AP5B1: variants seen among roughly 807,000 people sequenced by gnomAD.
AP5B1 encodes adaptor related protein complex 5 subunit beta 1, also known as AP-5 complex subunit beta-1.
Under a neutral mutation model 5.7 loss-of-function variants are expected in AP5B1, and 3 were observed. The observed-to-expected ratio is 0.53, with a 90% confidence interval of 0.24 to 1.36. AP5B1 has a LOEUF of 1.36. AP5B1 is among the 40% of genes most tolerant of loss of function. The probability of loss-of-function intolerance (pLI) is 0.17; values close to 1 mark genes in which losing one functional copy is unlikely to be tolerated. For synonymous variants in AP5B1, 696 were observed against 555.5 expected, an observed-to-expected ratio of 1.25 and a Z score of -3.56; for missense variants, 1,310 against 1,143.2, an observed-to-expected ratio of 1.15 and a Z score of -2.10.
In AP5B1 at chr11:65,774,239, C is replaced by T. The variant is rs1565223657; in HGVS notation, c.*3617G>A. Among the ~76,000 whole-genome samples, 1 of 152,196 alleles carries T rather than the reference C, an allele frequency of 6.6e-6. No individual in the cohort carries two copies. The highest frequency in any genetic ancestry group is 2.4e-5 in the African/African-American group (1 of 41,432). On this transcript the variant is annotated 3_prime_UTR_variant, in exon 2 of 2. Transcript: ENST00000532090. ...GTTTTAGGATTTTTAGTTTACATAA[C>T]TGATTTGATAATCCAGGGCATTTGT...
chr11:65,779,277 G>T lies in AP5B1; in HGVS notation c.1216C>A (p.Leu406Met). The change falls in exon 2 of 2, where the codon CTG (leucine) becomes ATG (methionine). Residue 406 changes from leucine to methionine, a missense_variant. Transcript: ENST00000532090. ...QLCRGLLPSL[L>M]HDPMALLARL... ...GCCAGGAGGGCCATTGGGTCATGCA[G>T]GAGACTGGGCAGGAGACCACGGCAT... 1 of 1,598,166 alleles carries T rather than the reference G, an allele frequency of 6.3e-7. No homozygotes were observed. Among genetic ancestry groups the T allele is most frequent in the Non-Finnish European group, 8.5e-7 (1 of 1,171,440 alleles).
rs778208385 is a variant in AP5B1 at position 65,779,919 on chromosome 11, C to T, written c.574G>A (p.Ala192Thr). The stretch of plus-strand genomic sequence containing the variant: ...TGGAGCACCAAGGTGTTGCGCAAAG[C>T]GAGGGCCAGCAACAGGCTGAGTGGC... ...VQPLSLLLAL[A>T]LRNTLVLQSR... Residue 192 changes from alanine (A) to threonine (T), a missense_variant, in exon 2 of 2, where the codon GCT becomes ACT. Coordinates refer to ENST00000532090, the MANE Select transcript of AP5B1 (RefSeq NM_138368.5). The T allele has an allele frequency of 1.3e-6, 2 of 1,589,990 alleles. No homozygotes were observed. The highest frequency in any genetic ancestry group is 2.2e-5 in the East Asian group (1 of 44,662).
In AP5B1 at chr11:65,778,366, A is replaced by G; in HGVS notation, c.2127T>C (p.Ala709=). ...CAGGACACAGGCAGGGCACATGGAC[A>G]GCCTCCAGGGGTGCATACAGCTGTC... The part of the protein sequence containing the change: ...VEGQLYAPLE[A]VHVPCLCPGR... The change falls in exon 2 of 2, where the codon GCT becomes GCC. Residue 709 remains alanine, a synonymous_variant. Coordinates refer to ENST00000532090, the MANE Select transcript of AP5B1 (RefSeq NM_138368.5). 1 of 1,608,814 alleles carries G rather than the reference A, an allele frequency of 6.2e-7. No individual in the cohort carries two copies. Among genetic ancestry groups the G allele is most frequent in the Non-Finnish European group, 8.5e-7 (1 of 1,178,364 alleles).
chr11:65,779,411 G>C lies in AP5B1; in HGVS notation c.1082C>G (p.Pro361Arg), dbSNP rs770797027. The C allele has an allele frequency of 6.2e-7, 1 of 1,606,268 alleles. No individual in the cohort carries two copies. The highest frequency in any genetic ancestry group is 2.2e-5 in the East Asian group (1 of 44,690). ...AAGGTAAAAGAGATGGGTGGGCGGAGGCAGAGCAGGGTGCTGGGCAGCCAA... is the reference window on the plus strand; with the variant it reads ...AAGGTAAAAGAGATGGGTGGGCGGACGCAGAGCAGGGTGCTGGGCAGCCAA... ...LTLAAQHPAL[P>R]PPTHLFYLHC... The change falls in exon 2 of 2, where the codon CCT becomes CGT. Residue 361 changes from proline (P) to arginine (R), a missense_variant. Physicochemically the swap from Pro to Arg is moderately radical, Grantham distance 103. Coordinates refer to ENST00000532090, the MANE Select transcript of AP5B1 (RefSeq NM_138368.5).
In AP5B1 at chr11:65,779,851, C is replaced by G; in HGVS notation, c.642G>C (p.Lys214Asn). 1 of 1,598,340 alleles carries G rather than the reference C, an allele frequency of 6.3e-7. No homozygotes were observed. Among genetic ancestry groups the G allele is most frequent in the Non-Finnish European group, 8.5e-7 (1 of 1,172,206 alleles). ...AGGGACCACCCCCAGTTGGGGAGAC[C>G]TTATCCGTGAGCAGTCCCCCCAGGC... Reference protein sequence around the residue: ...GAGLGGLLTDKVSPTGGGPWD... With the variant: ...GAGLGGLLTDNVSPTGGGPWD... The change falls in exon 2 of 2, where the codon AAG becomes AAC. Residue 214 changes from lysine (K) to asparagine (N), a missense_variant. By Grantham distance (94) the Lys-to-Asn change is moderately conservative (BLOSUM62 0). Coordinates refer to ENST00000532090, the MANE Select transcript of AP5B1 (RefSeq NM_138368.5).
Position 65,777,787 on chromosome 11 carries a change from C to T in AP5B1, c.*69G>A. On this transcript the variant is annotated 3_prime_UTR_variant, in exon 2 of 2. Coordinates refer to ENST00000532090, the MANE Select transcript of AP5B1 (RefSeq NM_138368.5). Reference sequence around the variant, plus strand: ...ACTGCGGAATGCAGGGTTTTGGCGACAGAGCTACAGGAGTGTGCCTTGGCC... The same window carrying T: ...ACTGCGGAATGCAGGGTTTTGGCGATAGAGCTACAGGAGTGTGCCTTGGCC... 3 of 1,431,740 alleles carry T rather than the reference C, an allele frequency of 2.1e-6. No homozygotes were observed. Among genetic ancestry groups the T allele is most frequent in the Non-Finnish European group, 2.8e-6 (3 of 1,088,402 alleles). 88.7% of individuals were successfully genotyped at this position (1,431,740 alleles called of 1,614,324 possible).
rs779144905 is a variant in AP5B1, at chr11:65,779,390, TAA to T, written c.1101_1102del (p.Phe367LeufsTer10). The stretch of plus-strand genomic sequence containing the variant: ...AGGGAAGCTCAGGACGCAGTGAAGG[TAA>T]AAGAGATGGGTGGGCGGAGGCAGAG... On this transcript the variant is annotated frameshift_variant, in exon 2 of 2. Coordinates refer to ENST00000532090, the MANE Select transcript of AP5B1 (RefSeq NM_138368.5). LOFTEE classifies it low-confidence loss of function (END_TRUNC). 7 of 1,602,410 alleles carry T rather than the reference TAA, an allele frequency of 4.4e-6. No homozygotes were observed. Among genetic ancestry groups the T allele is most frequent in the African/African-American group, 2.7e-5 (2 of 74,726 alleles).
Position 65,778,014 on chromosome 11 carries a change from T to C in AP5B1, c.2479A>G (p.Ser827Gly), listed in dbSNP as rs779064061. Residue 827 changes from serine to glycine, a missense_variant, in exon 2 of 2, where the codon AGC (serine) becomes GGC (glycine). Transcript: ENST00000532090. ...PFVVVAQPPT[S>G]YCVAIHLPPD... is the part of the protein sequence containing the mutation. ...GGCAGGTGGATTGCTACACAGTAGC[T>C]GGTAGGAGGCTGGGCCACCACCACA... 2.3e-5 allele frequency: 37 copies of C among 1,612,384 alleles called. No individual in the cohort carries two copies. Among genetic ancestry groups the C allele is most frequent in the Non-Finnish European group, 5.1e-6 (6 of 1,179,748 alleles).
chr11:65,778,316 A>C lies in AP5B1; in HGVS notation c.2177T>G (p.Leu726Arg), dbSNP rs778567180. The change falls in exon 2 of 2, where the codon CTG (leucine) becomes CGG (arginine). Residue 726 changes from leucine to arginine, a missense_variant. Coordinates refer to ENST00000532090, the MANE Select transcript of AP5B1 (RefSeq NM_138368.5). Reference protein sequence around the residue: ...CPGRPARPLLLPLQPRCPAPA... With the variant: ...CPGRPARPLLRPLQPRCPAPA... Reference sequence around the variant, plus strand: ...GGCCGGGCATCGGGGCTGCAGAGGCAGGAGCAGAGGGCGGGCAGGGCGGCC... The same window carrying C: ...GGCCGGGCATCGGGGCTGCAGAGGCCGGAGCAGAGGGCGGGCAGGGCGGCC... 15 of 1,612,642 alleles carry C rather than the reference A, an allele frequency of 9.3e-6. No homozygotes were observed. The highest frequency in any genetic ancestry group is 5.3e-5 in the African/African-American group (4 of 74,950).
In AP5B1 at chr11:65,779,068, G is replaced by A. The variant is rs1857806943; in HGVS notation, c.1425C>T (p.Cys475=). ...TCAGCACCGTAGGTTGCCCAGCCAG[G>A]CAGCAGGCCACCAGATACGAGGCCT... The part of the protein sequence containing the change: ...CFQASYLVAC[C]LAGQPTVLTP... Residue 475 remains cysteine (C), a synonymous_variant, in exon 2 of 2, where the codon TGC becomes TGT. Transcript: ENST00000532090. The A allele has an allele frequency of 1.2e-6, 2 of 1,607,728 alleles. No homozygotes were observed. The highest frequency in any genetic ancestry group is 1.7e-6 in the Non-Finnish European group (2 of 1,177,344).
chr11:65,778,270 A>C lies in AP5B1; in HGVS notation c.2223T>G (p.His741Gln), dbSNP rs771750888. 1.9e-6 allele frequency: 3 copies of C among 1,613,250 alleles called. No individual in the cohort carries two copies. The East Asian group carries it at 6.7e-5, about 36-fold the overall frequency. The change falls in exon 2 of 2, where the codon CAT becomes CAG. Residue 741 changes from histidine (H) to glutamine (Q), a missense_variant. Physicochemically the swap from His to Gln is conservative, Grantham distance 24 (BLOSUM62 0). Coordinates refer to ENST00000532090, the MANE Select transcript of AP5B1 (RefSeq NM_138368.5). ...RCPAPARLDV[H>Q]ALYTTSTGLT... ...GACCAGTGGATGTGGTGTAAAGGGC[A>C]TGGACATCCAGCCGTGCGGGGGCCG...
At position 65,778,608 on chromosome 11, in the gene AP5B1, C is replaced by T; in HGVS notation, c.1885G>A (p.Val629Met). ...GCGGCAAGCGAGGGGCCCAGGGCCA[C>T]CCCCAACTTGGGTGCTGCCAGGTGT... ...LAHLAAPKLG[V>M]ALGPSLAAPA... The change falls in exon 2 of 2, where the codon GTG becomes ATG. Residue 629 changes from valine to methionine, a missense_variant. Coordinates refer to ENST00000532090, the MANE Select transcript of AP5B1 (RefSeq NM_138368.5). 6.3e-7 allele frequency: 1 copy of T among 1,594,632 alleles called. No homozygotes were observed. Among genetic ancestry groups the T allele is most frequent in the South Asian group, 1.1e-5 (1 of 88,328 alleles).
chr11:65,779,595 GA>G lies in AP5B1; in HGVS notation c.897del (p.Leu300CysfsTer17). 1 of 1,606,850 alleles carries G rather than the reference GA, an allele frequency of 6.2e-7. No homozygotes were observed. Among genetic ancestry groups the G allele is most frequent in the Non-Finnish European group, 8.5e-7 (1 of 1,177,220 alleles). ...LLWLLGWALR[G>X]LQGQPPALFK... ...AAGAGTGCCGGTGGCTGTCCCTGCA[GA>G]CCCCGCAGGGCCCAGCCCAGCAGCC... On this transcript the variant is annotated frameshift_variant, in exon 2 of 2. Transcript: ENST00000532090. LOFTEE classifies it low-confidence loss of function (END_TRUNC).
At position 65,778,256 on chromosome 11, in the gene AP5B1, G is replaced by A. The variant is rs1857791399; in HGVS notation, c.2237C>T (p.Thr746Ile). 1 of 1,613,292 alleles carries A rather than the reference G, an allele frequency of 6.2e-7. No homozygotes were observed. Among genetic ancestry groups the A allele is most frequent in the Admixed American group, 1.7e-5 (1 of 60,014 alleles). ...ARLDVHALYT[T>I]STGLTCHAHL... is the part of the protein sequence containing the mutation. ...GGCATGGCACGTGAGACCAGTGGATGTGGTGTAAAGGGCATGGACATCCAG... is the reference window on the plus strand; with the variant it reads ...GGCATGGCACGTGAGACCAGTGGATATGGTGTAAAGGGCATGGACATCCAG... Residue 746 changes from threonine to isoleucine, a missense_variant, in exon 2 of 2, where the codon ACA (threonine) becomes ATA (isoleucine). By Grantham distance (89) the Thr-to-Ile change is moderately conservative. Coordinates refer to ENST00000532090, the MANE Select transcript of AP5B1 (RefSeq NM_138368.5).
chr11:65,780,495 C>G lies in AP5B1; in HGVS notation c.97G>C (p.Gly33Arg). The G allele has an allele frequency of 1.3e-6, 2 of 1,520,356 alleles. No homozygotes were observed. Among genetic ancestry groups the G allele is most frequent in the Non-Finnish European group, 1.8e-6 (2 of 1,140,776 alleles). 94.2% of individuals were successfully genotyped at this position (1,520,356 alleles called of 1,614,324 possible). A position where few individuals can be genotyped will look rare whatever the true frequency, so the allele number is the denominator to read the frequency against. ...CTCAGGTCGCTCAGCAGGTCGCGAC[C>G]CAAATCCTCCCCCTCGGGACCTGCC... Reference protein sequence around the residue: ...FMAGPEGEDLGRDLLSDLRSE... With the variant: ...FMAGPEGEDLRRDLLSDLRSE... Residue 33 changes from glycine to arginine, a missense_variant, in exon 1 of 2, where the codon GGT becomes CGT. Gly to Arg is a moderately radical substitution (Grantham distance 125). Coordinates refer to ENST00000532090, the MANE Select transcript of AP5B1 (RefSeq NM_138368.5).
rs896122297 is a variant in AP5B1, at chr11:65,778,758, C to T, written c.1735G>A (p.Val579Ile). The T allele has an allele frequency of 1.9e-6, 3 of 1,608,834 alleles. No homozygotes were observed. The African/African-American group carries it at 4.0e-5, about 21-fold the overall frequency. ...CCTGCCCGCAGCAGCGCCCGGCAGACCCGCAGCAGGCCCTGCTGTAGGTCC... is the reference window on the plus strand; with the variant it reads ...CCTGCCCGCAGCAGCGCCCGGCAGATCCGCAGCAGGCCCTGCTGTAGGTCC... ...NWDLQQGLLR[V>I]CRALLRAGVR... Residue 579 changes from valine (V) to isoleucine (I), a missense_variant, in exon 2 of 2, where the codon GTC (valine) becomes ATC (isoleucine). Physicochemically the swap from Val to Ile is conservative, Grantham distance 29. Coordinates refer to ENST00000532090, the MANE Select transcript of AP5B1 (RefSeq NM_138368.5).
Position 65,779,740 on chromosome 11 carries a change from C to T in AP5B1, c.753G>A (p.Glu251=), listed in dbSNP as rs760457033. 5 of 1,597,702 alleles carry T rather than the reference C, an allele frequency of 3.1e-6. No individual in the cohort carries two copies. Among genetic ancestry groups the T allele is most frequent in the Non-Finnish European group, 4.3e-6 (5 of 1,172,096 alleles). Residue 251 remains glutamate, a synonymous_variant, in exon 2 of 2, where the codon GAG becomes GAA. Transcript: ENST00000532090. ...TGTGCTCTCGTGCTGTAAGGCTACGCTCCCCCTCTCCCTCCTCAGCTGCCG... is the reference window on the plus strand; with the variant it reads ...TGTGCTCTCGTGCTGTAAGGCTACGTTCCCCCTCTCCCTCCTCAGCTGCCG... The part of the protein sequence containing the change: ...SWPAAEEGEG[E]RSLTAREHSP...
In AP5B1 at chr11:65,779,234, C is replaced by A. The variant is rs771307337; in HGVS notation, c.1259G>T (p.Cys420Phe). ...TTCTTCCTCCTCGGCACAGAGCAGG[C>A]ACAGTAAATGCAGGCGGGCCAGGAG... ...MALLARLHLL[C>F]LLCAEEEEEE... is the part of the protein sequence containing the mutation. Residue 420 changes from cysteine (C) to phenylalanine (F), a missense_variant, in exon 2 of 2, where the codon TGC becomes TTC. By Grantham distance (205) the Cys-to-Phe change is radical. Transcript: ENST00000532090. The A allele has an allele frequency of 5.0e-6, 8 of 1,597,512 alleles. No individual in the cohort carries two copies. The East Asian group carries it at 1.6e-4, about 31-fold the overall frequency.
In AP5B1 at chr11:65,777,627, C is replaced by T; in HGVS notation, c.*229G>A. On this transcript the variant is annotated 3_prime_UTR_variant, in exon 2 of 2. Coordinates refer to ENST00000532090, the MANE Select transcript of AP5B1 (RefSeq NM_138368.5). Reference sequence around the variant, plus strand: ...CTTCCCAGCCTCCAGAGCTCTGAGCCAATACATTTCTGTTTATTATAACTT... The same window carrying T: ...CTTCCCAGCCTCCAGAGCTCTGAGCTAATACATTTCTGTTTATTATAACTT... The T allele has an allele frequency of 1.8e-6, 1 of 555,556 alleles. No individual in the cohort carries two copies. The highest frequency in any genetic ancestry group is 3.1e-6 in the Non-Finnish European group (1 of 323,224). 34.4% of individuals were successfully genotyped at this position (555,556 alleles called of 1,614,324 possible). A position where few individuals can be genotyped will look rare whatever the true frequency, so the allele number is the denominator to read the frequency against.
Sources: allele counts gnomAD v4.1 joint callset (sites outside exome capture counted in the v4.1 genomes callset), GRCh38; gene constraint gnomAD v4.1.1; transcripts MANE v1.5; gene names NCBI Gene and HGNC (gene_info 2026-07-23, HGNC 2026-07-21).